The following ABI3BP variants were observed in gnomAD, a reference collection of about 807,000 sequenced individuals.
The protein encoded by ABI3BP is target of Nesh-SH3.
Under a neutral mutation model 268.6 loss-of-function variants are expected in ABI3BP, and 216 were observed. The observed-to-expected ratio is 0.80, with a 90% confidence interval of 0.72 to 0.90. ABI3BP has a LOEUF of 0.90. Ranked by LOEUF, ABI3BP falls within the 40% of genes least tolerant of loss-of-function variation. ABI3BP has a pLI of 0.00. For synonymous variants in ABI3BP, 730 were observed against 730.0 expected, an observed-to-expected ratio of 1.00 and a Z score of 0.00; for missense variants, 2,090 against 2,182.4, an observed-to-expected ratio of 0.96 and a Z score of 0.84.
At chr3:100,833,346 A>G (rs9833369) in intron 29 of ABI3BP, among the ~76,000 whole-genome samples, 189 bp from the exon 30 acceptor site, 21,145 of 152,206 alleles carry the variant, frequency 0.14, 1,585 homozygotes, top group African/African-American at 0.16. Flanking sequence ...ATATAACCTT[A>G]GCATCTGTAA....
At chr3:100,866,599 A>G (rs2099052995) in intron 10 of ABI3BP, among the ~76,000 whole-genome samples, 1 of 152,232 alleles carries the variant, frequency 6.6e-6, no homozygotes, top group South Asian at 2.1e-4. Context: ...AACTTGTGGT[A>G]TGATGTTTTT....
chr3:100,816,553 A>G, intron 43 of ABI3BP, 135 bp downstream of exon 43: 2 of 787,406 alleles, frequency 2.5e-6, no homozygotes, highest in Admixed American at 2.0e-5. Flanking sequence ...GTTGCTACCC[A>G]TGTTAAATAA....
intron 4 of ABI3BP, among the ~76,000 whole-genome samples, chr3:100,888,376 G>A (rs150337827): frequency 9.9e-5 from 15 of 152,060 alleles, no homozygotes; most frequent in East Asian, 9.7e-4. Context: ...TTTTTTCCCC[G>A]TCCTGGCTCT....
rs74943814 is a variant in ABI3BP, at chr3:100,800,891, A to C, written c.3757+3901T>G. ...TTCTTGATAATACCTTCTCTAATTC[A>C]TACATTTAGAATGTATTACTTTTCT... On this transcript the variant is annotated intron_variant, in intron 51 of 67. Coordinates refer to ENST00000471714, the MANE Select transcript of ABI3BP (RefSeq NM_001375547.2). 2.5e-3 allele frequency among the ~76,000 whole-genome samples: 384 copies of C among 152,316 alleles called. 3 individuals carry two copies. The highest frequency in any genetic ancestry group is 8.9e-3 in the African/African-American group (369 of 41,582).
chr3:100,885,649 G>A, intron 5 of ABI3BP, 61 bp from the exon 6 acceptor site: 3 of 1,040,810 alleles, frequency 2.9e-6, no homozygotes, highest in Non-Finnish European at 4.2e-6. Context: ...ATCAACTCTA[G>A]CTAATCATTA....
intron 63 of ABI3BP, among the ~76,000 whole-genome samples, chr3:100,758,956 T>C (rs1310600564): frequency 2.6e-5 from 4 of 152,222 alleles, no homozygotes; most frequent in Non-Finnish European, 5.9e-5. Flanking sequence ...ATGGAGCAGA[T>C]GCTTGCCATT....
In ABI3BP at chr3:100,838,428, C is replaced by A; in HGVS notation, c.1982G>T (p.Arg661Ile). The change falls in exon 25 of 68, where the codon AGA (arginine) becomes ATA (isoleucine). Residue 661 changes from arginine (R) to isoleucine (I), a missense_variant. Transcript: ENST00000471714. The part of the protein sequence containing the change: ...KPSERPKTTH[R>I]PDAPQIQPGS... Reference sequence around the variant, plus strand: ...AGGCTGAATTTGAGGTGCATCTGGTCTGTGTGTGGTTTTAGGTCTCTCAGA... The same window carrying A: ...AGGCTGAATTTGAGGTGCATCTGGTATGTGTGTGGTTTTAGGTCTCTCAGA... 2.0e-6 allele frequency: 3 copies of A among 1,535,748 alleles called. No individual in the cohort carries two copies. In the South Asian group the frequency reaches 3.6e-5, roughly 18 times the overall value.
At chr3:100,841,833 T>C (rs1041696502) in intron 21 of ABI3BP, among the ~76,000 whole-genome samples, 165 bp downstream of exon 21, 1 of 149,684 alleles carries the variant, frequency 6.7e-6, no homozygotes, top group Non-Finnish European at 1.5e-5. Flanking sequence ...GAAGTTGCAG[T>C]GAGCTGAGAT....
rs945444149 is a variant in ABI3BP, at chr3:100,939,764, C to T, written c.80-13283G>A. On this transcript the variant is annotated intron_variant, in intron 1 of 67. Coordinates refer to ENST00000471714, the MANE Select transcript of ABI3BP (RefSeq NM_001375547.2). ...CAGGAGACAGGGTTTTGAGAGCAAC[C>T]GGTCTGACCAAAATTTATTAGGTGC... is the stretch of plus-strand genomic sequence containing the variant. 6.6e-5 allele frequency among the ~76,000 whole-genome samples: 10 copies of T among 152,058 alleles called. No individual in the cohort carries two copies. In the East Asian group the frequency reaches 9.7e-4, roughly 15 times the overall value.
chr3:100,851,899 G>C lies in ABI3BP; in HGVS notation c.1327C>G (p.Pro443Ala), dbSNP rs1243498474. ...VFSSPTTSDE[P>A]EISDSYTATS... ...CCTGTGTAGGAATCTGATATCTCAG[G>C]CTCATCTGATGTTGTAGGGCTTGAG... The change falls in exon 15 of 68, where the codon CCT becomes GCT. Residue 443 changes from proline to alanine, a missense_variant. Coordinates refer to ENST00000471714, the MANE Select transcript of ABI3BP (RefSeq NM_001375547.2). 1.1e-5 allele frequency: 17 copies of C among 1,590,458 alleles called. No individual in the cohort carries two copies. Among genetic ancestry groups the C allele is most frequent in the Admixed American group, 8.8e-5 (5 of 57,120 alleles).
At chr3:100,845,240 T>C (rs74813899) in intron 20 of ABI3BP, among the ~76,000 whole-genome samples, 7,361 of 152,250 alleles carry the variant, frequency 0.048, 221 homozygotes, top group Non-Finnish European at 0.052. Flanking sequence ...TCAGAGTTAT[T>C]TGATTTAAAC....
chr3:100,875,883 A>G (rs544462020), intron 7 of ABI3BP, among the ~76,000 whole-genome samples: 1 of 152,298 alleles, frequency 6.6e-6, no homozygotes, highest in East Asian at 1.9e-4. Context: ...AATCAGTACT[A>G]GCACAAAATG....
At chr3:100,904,142 C>T (rs1582790923) in intron 2 of ABI3BP, among the ~76,000 whole-genome samples, 1 of 152,144 alleles carries the variant, frequency 6.6e-6, no homozygotes, top group Non-Finnish European at 1.5e-5. Flanking sequence ...TTCATAACTT[C>T]ATTACTCCCT....
rs751529361 is a variant in ABI3BP at position 100,834,598 on chromosome 3, T to G, written c.2281+86A>C. 5 of 1,275,428 alleles carry G rather than the reference T, an allele frequency of 3.9e-6. No individual in the cohort carries two copies. The East Asian group carries it at 7.6e-5, about 19-fold the overall frequency. 79.0% of individuals were successfully genotyped at this position (1,275,428 alleles called of 1,614,324 possible). A position where few individuals can be genotyped will look rare whatever the true frequency, so the allele number is the denominator to read the frequency against. On this transcript the variant is annotated intron_variant, in intron 29 of 67. Coordinates refer to ENST00000471714, the MANE Select transcript of ABI3BP (RefSeq NM_001375547.2). ...TTGGGCCTTCACCCCAAGGGTCAAG[T>G]GGGTTATAAAGTGGCATGTTAAACT...
rs764374362 is a variant in ABI3BP at position 100,794,985 on chromosome 3, C to T, written c.3884G>A (p.Gly1295Asp). The T allele has an allele frequency of 1.9e-6, 3 of 1,547,014 alleles. No homozygotes were observed. The highest frequency in any genetic ancestry group is 2.5e-5 in the South Asian group (2 of 80,444). ...KTTIAPLETRGIPFIPMISPS... is the reference protein window; with the variant it reads ...KTTIAPLETRDIPFIPMISPS... ...GGAAATCATGGGTATAAAAGGGATGCCTCGTGTCTCTAGAGGAGCTGCAAA... is the reference window on the plus strand; with the variant it reads ...GGAAATCATGGGTATAAAAGGGATGTCTCGTGTCTCTAGAGGAGCTGCAAA... Residue 1295 changes from glycine to aspartate, a missense_variant, in exon 54 of 68, where the codon GGC (glycine) becomes GAC (aspartate). By Grantham distance (94) the Gly-to-Asp change is moderately conservative. Coordinates refer to ENST00000471714, the MANE Select transcript of ABI3BP (RefSeq NM_001375547.2).
At position 100,802,597 on chromosome 3, in the gene ABI3BP, G is replaced by A. The variant is rs375446167; in HGVS notation, c.3757+2195C>T. The stretch of plus-strand genomic sequence containing the variant: ...GAAGGTTTTTTCTAAAGGCCTCACC[G>A]GATGAAGCTGGTGTTATGCCTAGGA... On this transcript the variant is annotated intron_variant, in intron 51 of 67. Coordinates refer to ENST00000471714, the MANE Select transcript of ABI3BP (RefSeq NM_001375547.2). 2.4e-4 allele frequency among the ~76,000 whole-genome samples: 36 copies of A among 152,200 alleles called. 1 individual carries two copies. In the East Asian group the frequency reaches 5.6e-3, roughly 24 times the overall value.
In ABI3BP at chr3:100,817,482, G is replaced by T; in HGVS notation, c.3102C>A (p.Val1034=). The part of the protein sequence containing the change: ...EAPKTMVVTT[V]LEPDTFRTKF... ...TGGTTCTAAAAGTGTCAGGTTCAAG[G>T]ACTGTAGTAACAACTAGACAAAAAT... Residue 1034 remains valine, a synonymous_variant, in exon 42 of 68, where the codon GTC becomes GTA. Transcript: ENST00000471714. 6.6e-7 allele frequency: 1 copy of T among 1,504,758 alleles called. No homozygotes were observed. The highest frequency in any genetic ancestry group is 1.3e-5 in the South Asian group (1 of 79,078). 93.2% of individuals were successfully genotyped at this position (1,504,758 alleles called of 1,614,324 possible).
At chr3:100,890,075 G>A (rs2043830021) in intron 4 of ABI3BP, among the ~76,000 whole-genome samples, 1 of 152,092 alleles carries the variant, frequency 6.6e-6, no homozygotes, top group Admixed American at 6.6e-5. Flanking sequence ...AACTGGTAGT[G>A]AATTACACTA....
intron 63 of ABI3BP, among the ~76,000 whole-genome samples, chr3:100,755,888 T>G (rs1291784895): frequency 6.6e-6 from 1 of 152,168 alleles, no homozygotes; most frequent in African/African-American, 2.4e-5. Context: ...TAAATAAGAA[T>G]GCAGAATGCA....
Sources: allele counts gnomAD v4.1 joint callset (sites outside exome capture counted in the v4.1 genomes callset), GRCh38; gene constraint gnomAD v4.1.1; transcripts MANE v1.5; gene names NCBI Gene and HGNC (gene_info 2026-07-23, HGNC 2026-07-21).